The following ZHX2 variants were observed in gnomAD, a reference collection of about 807,000 sequenced individuals.
ZHX2 encodes the protein zinc fingers and homeoboxes 2, also known as zinc fingers and homeoboxes protein 2.
ZHX2 carries 6 observed loss-of-function variants against 21.9 expected under a neutral mutation model. The observed-to-expected ratio is 0.27, with a 90% CI of 0.15 to 0.54. The LOEUF (loss-of-function observed/expected upper bound fraction) is 0.54, where lower values mean the gene tolerates loss of function less well. Ranked by LOEUF, ZHX2 falls within the 20% of genes least tolerant of loss-of-function variation. The pLI is 0.95. For synonymous variants in ZHX2, 434 were observed against 437.1 expected (o/e 0.99, Z 0.09); for missense variants, 908 against 1,090.7 (o/e 0.83, Z 2.36).
At chr8:122,915,722 G>A (rs1563581728) in intron 2 of ZHX2, among the ~76,000 whole-genome samples, 1 of 152,236 alleles carries the variant, frequency 6.6e-6, no homozygotes, top group Non-Finnish European at 1.5e-5. Context: ...CATGTTGCGT[G>A]TCTCATTTGC....
intron 1 of ZHX2, among the ~76,000 whole-genome samples, chr8:122,813,569 G>A (rs1647639635): frequency 6.6e-6 from 1 of 152,206 alleles, no homozygotes; most frequent in African/African-American, 2.4e-5. Context: ...AGTAGAGAAA[G>A]AAGTCATCCC....
chr8:122,809,970 A>G (rs1202148685), intron 1 of ZHX2, among the ~76,000 whole-genome samples: 2 of 152,146 alleles, frequency 1.3e-5, no homozygotes, highest in East Asian at 1.9e-4. Context: ...GCTACTTTTC[A>G]TTAGAAGATG....
intron 1 of ZHX2, among the ~76,000 whole-genome samples, chr8:122,852,119 G>A (rs1818915837): frequency 6.6e-6 from 1 of 152,138 alleles, no homozygotes; most frequent in Non-Finnish European, 1.5e-5. Flanking sequence ...GACTTTGATG[G>A]CCCGGAATGC....
intron 2 of ZHX2, among the ~76,000 whole-genome samples, chr8:122,945,394 A>T (rs1307304705): frequency 7.7e-6 from 1 of 130,226 alleles, no homozygotes; most frequent in Non-Finnish European, 1.6e-5. Flanking sequence ...GTCATTGTCT[A>T]TGTAGACTGA....
chr8:122,818,906 T>C (rs1271813190), intron 1 of ZHX2, among the ~76,000 whole-genome samples: 1 of 152,156 alleles, frequency 6.6e-6, no homozygotes, highest in East Asian at 1.9e-4. Flanking sequence ...GCAGAGGCCA[T>C]GGAGCCAAAG....
chr8:122,916,140 C>T (rs1182572499), intron 2 of ZHX2, among the ~76,000 whole-genome samples: 3 of 152,234 alleles, frequency 2.0e-5, no homozygotes, highest in Non-Finnish European at 4.4e-5. Context: ...AGAGCATCCG[C>T]CTGGCTCTTT....
chr8:122,886,242 C>T (rs1258779389), intron 2 of ZHX2, among the ~76,000 whole-genome samples: 2 of 152,174 alleles, frequency 1.3e-5, no homozygotes, highest in African/African-American at 4.8e-5. Context: ...AGGCTAGATA[C>T]TGTATGATTC....
intron 1 of ZHX2, among the ~76,000 whole-genome samples, chr8:122,847,344 G>A (rs149223724): frequency 3.9e-4 from 60 of 152,254 alleles, no homozygotes; most frequent in Admixed American, 1.1e-3. Context: ...TGTCCTCCCC[G>A]CCCTGCCTCC....
At chr8:122,926,133 G>A (rs1344066555) in intron 2 of ZHX2, among the ~76,000 whole-genome samples, 1 of 152,164 alleles carries the variant, frequency 6.6e-6, no homozygotes, top group Non-Finnish European at 1.5e-5. Flanking sequence ...CTTAAGCTGG[G>A]CTGCTCCCTG....
At chr8:122,862,101 G>A (rs1260934078) in intron 1 of ZHX2, among the ~76,000 whole-genome samples, 2 of 152,220 alleles carry the variant, frequency 1.3e-5, no homozygotes, top group African/African-American at 4.8e-5. Flanking sequence ...CCTGTGGCCA[G>A]TATTCAGTGC....
chr8:122,797,130 A>G (rs1056174071), intron 1 of ZHX2, among the ~76,000 whole-genome samples: 37 of 152,330 alleles, frequency 2.4e-4, no homozygotes, highest in African/African-American at 6.7e-4. Flanking sequence ...GCTATGATAC[A>G]GTGACAGGTA....
intron 1 of ZHX2, among the ~76,000 whole-genome samples, chr8:122,858,185 T>C (rs1819075294): frequency 6.6e-6 from 1 of 152,230 alleles, no homozygotes; most frequent in South Asian, 2.1e-4. Context: ...TTGGCTTCTC[T>C]GTCTCTCTCG....
chr8:122,960,234 G>A (rs1025502912), intron 3 of ZHX2, among the ~76,000 whole-genome samples: 10 of 152,098 alleles, frequency 6.6e-5, no homozygotes, highest in African/African-American at 2.2e-4. Context: ...AGGTTTAGGG[G>A]ACACTCCCTA....
intron 2 of ZHX2, among the ~76,000 whole-genome samples, chr8:122,865,423 C>T (rs894889085): frequency 2.0e-5 from 3 of 152,144 alleles, no homozygotes; most frequent in Non-Finnish European, 2.9e-5. Flanking sequence ...CCACCACGCC[C>T]GGCCGACTTG....
intron 1 of ZHX2, among the ~76,000 whole-genome samples, chr8:122,862,595 G>C (rs1269664897): frequency 1.3e-5 from 2 of 152,168 alleles, no homozygotes; most frequent in African/African-American, 4.8e-5. Context: ...TGTGCGAGGG[G>C]CCTGGCGCGT....
intron 2 of ZHX2, among the ~76,000 whole-genome samples, chr8:122,915,268 G>A (rs1820573139): frequency 6.6e-6 from 1 of 152,172 alleles, no homozygotes; most frequent in Non-Finnish European, 1.5e-5. Flanking sequence ...CCTTCCCAGA[G>A]TTAGAATGGA....
chr8:122,933,528 G>A (rs1419093393), intron 2 of ZHX2, among the ~76,000 whole-genome samples: 1 of 152,034 alleles, frequency 6.6e-6, no homozygotes, highest in African/African-American at 2.4e-5. Context: ...TGTACATGGT[G>A]GCAGCTGTTA....
At chr8:122,820,816 G>A (rs1197850696) in intron 1 of ZHX2, among the ~76,000 whole-genome samples, 2 of 152,312 alleles carry the variant, frequency 1.3e-5, no homozygotes, top group Admixed American at 6.5e-5. Context: ...AATATTAAAG[G>A]TGTCTCTCTG....
intron 3 of ZHX2, among the ~76,000 whole-genome samples, chr8:122,958,203 C>A (rs572935559): frequency 2.0e-5 from 3 of 152,156 alleles, no homozygotes; most frequent in Non-Finnish European, 4.4e-5. Flanking sequence ...AAGCTTAGGA[C>A]AGCATTTGAC....
Sources: gnomAD v4.1 joint callset for allele counts (sites outside exome capture counted in the v4.1 genomes callset) on GRCh38, gnomAD v4.1.1 for gene constraint, MANE v1.5 for transcripts, NCBI Gene and HGNC (gene_info 2026-07-23, HGNC 2026-07-21) for gene names.